MORN1: variants seen among roughly 807,000 people sequenced by gnomAD.
The protein encoded by MORN1 is MORN repeat-containing protein 1.
A neutral mutation model predicts 61.9 loss-of-function variants in MORN1; 67 were observed. That is an observed-to-expected ratio of 1.08 (90% CI 0.89 to 1.33). MORN1 has a LOEUF of 1.33. Ranked by LOEUF, MORN1 falls within the 40% of genes most tolerant of loss-of-function variation. The pLI is 0.00. For missense variants in MORN1, 752 were observed against 691.2 expected, an observed-to-expected ratio of 1.09 and a Z score of -0.99; for synonymous variants, 301 against 292.0, an observed-to-expected ratio of 1.03 and a Z score of -0.31.
intron 10 of MORN1, among the ~76,000 whole-genome samples, chr1:2,348,671 AC>A (rs1181690888): frequency 1.4e-5 from 2 of 138,050 alleles, no homozygotes; most frequent in African/African-American, 5.0e-5. Flanking sequence ...ACGCACACGC[AC>A]ACCTGCGCAG....
rs1203481160 is a variant in MORN1 at position 2,334,117 on chromosome 1, A to C, written c.1250+2352T>G. 6.6e-6 allele frequency among the ~76,000 whole-genome samples: 1 copy of C among 152,000 alleles called. No individual in the cohort carries two copies. The highest frequency in any genetic ancestry group is 1.5e-5 in the Non-Finnish European group (1 of 67,986). ...CCCCACTCTTTCCTAAGAGGGGGCC[A>C]TCACACAAACACCCAGATGGGTTGT... On this transcript the variant is annotated intron_variant, in intron 12 of 13. Coordinates refer to ENST00000378531, the MANE Select transcript of MORN1 (RefSeq NM_024848.3). The surrounding 1 kb of genome is among the most constrained non-coding windows in gnomAD (Gnocchi z 5.4).
rs191495935 is a variant in MORN1, at chr1:2,337,038, G to A, written c.1037-188C>T. 3.0e-4 allele frequency among the ~76,000 whole-genome samples: 45 copies of A among 152,262 alleles called. No homozygotes were observed. The South Asian group carries it at 4.3e-3, about 15-fold the overall frequency. ...ATCCTGGGTGCTCCCTCCGGCCGCC[G>A]ACAGGGGAGGTGGGGGTCCTCCGTG... On this transcript the variant is annotated intron_variant, in intron 10 of 13. Coordinates refer to ENST00000378531, the MANE Select transcript of MORN1 (RefSeq NM_024848.3). This position sits in a 1 kb window ranked among gnomAD's most constrained non-coding sequence, Gnocchi z 5.7.
intron 8 of MORN1, among the ~76,000 whole-genome samples, chr1:2,359,652 G>T (rs1401865108): frequency 2.0e-5 from 3 of 152,218 alleles, no homozygotes; most frequent in African/African-American, 7.2e-5. Context: ...GGAGGCCGAG[G>T]CGGGTGGATC....
At chr1:2,331,314 G>C (rs893586756) in intron 12 of MORN1, among the ~76,000 whole-genome samples, 1 of 152,090 alleles carries the variant, frequency 6.6e-6, no homozygotes, top group African/African-American at 2.4e-5. Context: ...GAGGCAGCAC[G>C]GGCCAGGGCA....
chr1:2,351,091 T>G (rs1416711148), intron 10 of MORN1: 2 of 152,500 alleles, frequency 1.3e-5, no homozygotes, highest in Non-Finnish European at 2.9e-5. Context: ...CAGTCCCCCA[T>G]GCACGACCCC....
intron 8 of MORN1, among the ~76,000 whole-genome samples, chr1:2,363,824 A>G (rs1402343873): frequency 2.1e-5 from 3 of 139,572 alleles, no homozygotes; most frequent in Non-Finnish European, 4.7e-5. Flanking sequence ...ATATATATAT[A>G]TAAAAAAAAT....
At chr1:2,387,273 A>C (rs1642524946) in intron 4 of MORN1, 146 bp downstream of exon 4, 1 of 686,586 alleles carries the variant, frequency 1.5e-6, no homozygotes. Context: ...GGTGGTGCGG[A>C]GAAGAGGGCA....
chr1:2,323,866 G>T (rs915385232), intron 13 of MORN1: 2 of 985,128 alleles, frequency 2.0e-6, no homozygotes, highest in African/African-American at 3.5e-5. Context: ...CAAGGGCTGT[G>T]TCGGCCCAGC....
intron 10 of MORN1, among the ~76,000 whole-genome samples, chr1:2,342,646 TCACCCTTCTCACCTCCCA>T (rs1641420105): frequency 6.6e-6 from 1 of 151,830 alleles, no homozygotes; most frequent in Non-Finnish European, 1.5e-5. Context: ...CTCACCTCCC[TCACCCTTCTCACCTCCCA>T]CACCGCAGAC....
Position 2,372,648 on chromosome 1 carries a change from C to G in MORN1, c.635-57G>C, listed in dbSNP as rs1444148617. 1.4e-6 allele frequency: 2 copies of G among 1,417,062 alleles called. No individual in the cohort carries two copies. Among genetic ancestry groups the G allele is most frequent in the South Asian group, 2.4e-5 (2 of 81,690 alleles). The allele number at this position is 1,417,062 out of a possible 1,614,324, so 87.8% of individuals were successfully genotyped here. On this transcript the variant is annotated intron_variant, in intron 7 of 13. Transcript: ENST00000378531. The surrounding 1 kb of genome is among the most constrained non-coding windows in gnomAD (Gnocchi z 5.4). ...GACTGGCATGGTCCCCCACCCACCCCATGGCTGAGTCAGCAGTGGGCACCC... is the reference window on the plus strand; with the variant it reads ...GACTGGCATGGTCCCCCACCCACCCGATGGCTGAGTCAGCAGTGGGCACCC...
chr1:2,390,793 G>A (rs917149345), intron 1 of MORN1: 48 of 974,114 alleles, frequency 4.9e-5, no homozygotes, highest in Admixed American at 1.2e-4. Context: ...CTGTCGCCCA[G>A]GCTGGGGTGC....
intron 10 of MORN1, among the ~76,000 whole-genome samples, chr1:2,354,825 G>A (rs149017653): frequency 0.012 from 1,816 of 152,320 alleles, 16 homozygotes; most frequent in Middle Eastern, 0.027. Flanking sequence ...CCCAGGGTTG[G>A]TGTCGGATGC....
chr1:2,345,392 G>A (rs1192495724), intron 10 of MORN1, among the ~76,000 whole-genome samples: 2 of 152,256 alleles, frequency 1.3e-5, no homozygotes, highest in East Asian at 3.8e-4. Context: ...CCTTGTTGGG[G>A]GACACAGGAC....
chr1:2,390,651 C>A, intron 1 of MORN1: 4 of 985,326 alleles, frequency 4.1e-6, no homozygotes, highest in Non-Finnish European at 4.8e-6. Context: ...GTATCTGTCC[C>A]AAATCAGGGT....
Position 2,372,603 on chromosome 1 carries a change from C to T in MORN1, c.635-12G>A, listed in dbSNP as rs1049410604. Reference sequence around the variant, plus strand: ...CCTCGTAGCTTGTTCTGGGAGAGGACAGAGTGTGGCTTTAGCGGTGACTGG... The same window carrying T: ...CCTCGTAGCTTGTTCTGGGAGAGGATAGAGTGTGGCTTTAGCGGTGACTGG... On this transcript the variant is annotated splice_polypyrimidine_tract_variant and intron_variant, in intron 7 of 13. Coordinates refer to ENST00000378531, the MANE Select transcript of MORN1 (RefSeq NM_024848.3). This position sits in a 1 kb window ranked among gnomAD's most constrained non-coding sequence, Gnocchi z 5.4. The T allele has an allele frequency of 6.2e-7, 1 of 1,606,282 alleles. No individual in the cohort carries two copies. The highest frequency in any genetic ancestry group is 8.5e-7 in the Non-Finnish European group (1 of 1,175,000).
chr1:2,356,374 C>T (rs117686167), intron 10 of MORN1, among the ~76,000 whole-genome samples: 1 of 152,148 alleles, frequency 6.6e-6, no homozygotes, highest in Admixed American at 6.5e-5. Flanking sequence ...TGGTGGCACA[C>T]AGCCCACCCC....
At chr1:2,336,573 G>A (rs1256487111) in intron 11 of MORN1, 25 bp from the exon 12 acceptor site, 5 of 1,611,638 alleles carry the variant, frequency 3.1e-6, no homozygotes, top group Admixed American at 3.3e-5. Context: ...CAGGAGGAGG[G>A]GAGAAGGAAA....
chr1:2,335,844 A>AGCCCAGCCCAGCCCGGCCCGGCCCG (rs1553208797), intron 12 of MORN1, among the ~76,000 whole-genome samples: 2 of 147,014 alleles, frequency 1.4e-5, no homozygotes, highest in African/African-American at 5.5e-5. Context: ...AGCCCAGCCC[A>AGCCCAGCCCAGCCCGGCCCGGCCCG]GCGCGCAGCT....
chr1:2,360,294 C>T (rs1449808051), intron 8 of MORN1, among the ~76,000 whole-genome samples: 1 of 152,188 alleles, frequency 6.6e-6, no homozygotes, highest in Non-Finnish European at 1.5e-5. Flanking sequence ...TGCTGGACAT[C>T]TGTATGGGGA....
Sources: gnomAD v4.1 joint callset for allele counts (sites outside exome capture counted in the v4.1 genomes callset) on GRCh38, gnomAD v4.1.1 for gene constraint, Gnocchi (gnomAD v3.1) non-coding constraint, MANE v1.5 for transcripts, NCBI Gene and HGNC (gene_info 2026-07-23, HGNC 2026-07-21) for gene names.